Variants in MCM9 observed in about 807,000 individuals in gnomAD.
MCM9 encodes minichromosome maintenance 9 homologous recombination repair factor.
Under a neutral mutation model 72.8 loss-of-function variants are expected in MCM9, and 55 were observed. That is an observed-to-expected ratio of 0.76 (90% CI 0.61 to 0.95). MCM9 has a LOEUF of 0.95. Ranked by LOEUF, MCM9 falls within the 40% of genes least tolerant of loss-of-function variation. The pLI is 0.00. For missense variants in MCM9, 1,279 were observed against 1,377.0 expected (o/e 0.93, Z 1.13); for synonymous variants, 480 against 503.4 (o/e 0.95, Z 0.62).
chr6:118,910,774 T>C, intron 8 of MCM9: 1 of 985,432 alleles, frequency 1.0e-6, no homozygotes, highest in Non-Finnish European at 1.2e-6. Flanking sequence ...GTTAATATAC[T>C]GTTGAGTTAT....
Position 118,814,831 on chromosome 6 carries a change from T to C in MCM9, c.3425A>G (p.Lys1142Arg), listed in dbSNP as rs533851347. 6.3e-4 allele frequency: 945 copies of C among 1,495,256 alleles called. No homozygotes were observed. The highest frequency in any genetic ancestry group is 8.1e-4 in the Non-Finnish European group (907 of 1,121,130). The allele number at this position is 1,495,256 out of a possible 1,614,324, so 92.6% of individuals were successfully genotyped here. The change falls in exon 14 of 14, where the codon AAG becomes AGG. Residue 1142 changes from lysine to arginine, a missense_variant. Lys to Arg is a conservative substitution (Grantham distance 26). Transcript: ENST00000619706. ...DCDWDEEMRK[K>R]S ...CCAGAAAGCTTTTCCCAACTATGAC[T>C]TTTTTCTCATCTCTTCATCCCAGTC...
At chr6:118,934,209 T>C (rs146495379) in intron 1 of MCM9, among the ~76,000 whole-genome samples, 195 of 152,308 alleles carry the variant, frequency 1.3e-3, no homozygotes, top group African/African-American at 4.6e-3. Flanking sequence ...TCAACATCTA[T>C]GCAAAACTGA....
At chr6:118,816,315 T>A in intron 13 of MCM9, 21 bp from the exon 14 acceptor site, 11 of 1,484,024 alleles carry the variant, frequency 7.4e-6, no homozygotes, top group Non-Finnish European at 9.9e-6. Flanking sequence ...GACAAATAAA[T>A]AAAACATGTC....
chr6:118,857,883 A>C (rs1776664581), intron 8 of MCM9, among the ~76,000 whole-genome samples: 2 of 152,148 alleles, frequency 1.3e-5, no homozygotes, highest in Admixed American at 1.3e-4. Flanking sequence ...CCAACACAGA[A>C]ATCTGCAGGC....
rs572029934 is a variant in MCM9 at position 118,929,343 on chromosome 6, G to A, written c.304+2077C>T. On this transcript the variant is annotated intron_variant, in intron 3 of 13. Coordinates refer to ENST00000619706, the MANE Select transcript of MCM9 (RefSeq NM_017696.3). ...ATCTGTAGGCATGCATACACCATCT[G>A]GTAAATATTTGACTATATAGCTGTC... 2.0e-5 allele frequency among the ~76,000 whole-genome samples: 3 copies of A among 152,254 alleles called. No individual in the cohort carries two copies. In the East Asian group the frequency reaches 5.8e-4, roughly 29 times the overall value.
intron 13 of MCM9, among the ~76,000 whole-genome samples, chr6:118,816,877 G>GC (rs373664617): frequency 1.3e-5 from 2 of 152,256 alleles, no homozygotes; most frequent in African/African-American, 4.8e-5. Context: ...TGCTCACACT[G>GC]CCGCCTCCTG....
At chr6:118,916,229 A>G (rs1291431661) in intron 6 of MCM9, among the ~76,000 whole-genome samples, 1 of 151,648 alleles carries the variant, frequency 6.6e-6, no homozygotes, top group Non-Finnish European at 1.5e-5. Context: ...TTAATTTTAA[A>G]AATCATTTAA....
intron 8 of MCM9, 51 bp from the exon 9 acceptor site, chr6:118,856,596 T>C: frequency 1.3e-6 from 2 of 1,523,864 alleles, no homozygotes; most frequent in Middle Eastern, 1.7e-4. Flanking sequence ...AGCATTATCT[T>C]GACTGGGCGC....
intron 8 of MCM9, chr6:118,894,525 G>T: frequency 1.3e-6 from 2 of 1,536,254 alleles, no homozygotes; most frequent in Non-Finnish European, 1.7e-6. Flanking sequence ...GTCTGAAGGT[G>T]AGTGCGGCGC....
At chr6:118,872,100 G>A (rs984480063) in intron 8 of MCM9, among the ~76,000 whole-genome samples, 2 of 152,072 alleles carry the variant, frequency 1.3e-5, no homozygotes, top group Admixed American at 6.5e-5. Context: ...GGTGGATCAC[G>A]AGGTCAGGAG....
At chr6:118,835,394 A>G (rs1774886847) in intron 9 of MCM9, among the ~76,000 whole-genome samples, 1 of 152,142 alleles carries the variant, frequency 6.6e-6, no homozygotes, top group South Asian at 2.1e-4. Flanking sequence ...AAGAAAGTCA[A>G]TGGTAGCTTG....
At chr6:118,861,562 G>A (rs779532284) in intron 8 of MCM9, among the ~76,000 whole-genome samples, 1 of 152,208 alleles carries the variant, frequency 6.6e-6, no homozygotes, top group Non-Finnish European at 1.5e-5. Context: ...CCCGAAGTGG[G>A]TAGCTGCTTT....
chr6:118,876,192 T>C (rs1381644427), intron 8 of MCM9, among the ~76,000 whole-genome samples: 2 of 152,026 alleles, frequency 1.3e-5, no homozygotes, highest in Non-Finnish European at 2.9e-5. Context: ...GCTATGGAGA[T>C]ATTTAAAAGA....
chr6:118,864,245 T>C (rs1187192848), intron 8 of MCM9, among the ~76,000 whole-genome samples: 1 of 152,136 alleles, frequency 6.6e-6, no homozygotes, highest in Non-Finnish European at 1.5e-5. Context: ...AAGTCCATTA[T>C]ATCATTCTCA....
At chr6:118,929,125 CAGG>C (rs1011766008) in intron 3 of MCM9, among the ~76,000 whole-genome samples, 1 of 152,006 alleles carries the variant, frequency 6.6e-6, no homozygotes, top group African/African-American at 2.4e-5. Context: ...GAGGCTGAGG[CAGG>C]AGGATTGCTT....
At chr6:118,915,971 G>T (rs1484533790) in intron 6 of MCM9, among the ~76,000 whole-genome samples, 1 of 152,048 alleles carries the variant, frequency 6.6e-6, no homozygotes, top group African/African-American at 2.4e-5. Flanking sequence ...ATTGTTAAGA[G>T]GTAGAACTGA....
At chr6:118,893,940 T>TCCCCGCCGCAGCCACGCCA in intron 8 of MCM9, 7 of 891,056 alleles carry the variant, frequency 7.9e-6, no homozygotes, top group South Asian at 1.0e-4. Flanking sequence ...CAGCCACGCC[T>TCCCCGCCGCAGCCACGCCA]CCCCGCCGCG....
At chr6:118,882,579 T>C (rs1444084060) in intron 8 of MCM9, among the ~76,000 whole-genome samples, 1 of 152,136 alleles carries the variant, frequency 6.6e-6, no homozygotes, top group African/African-American at 2.4e-5. Flanking sequence ...CCCCAGGGCA[T>C]TGCCAAAAAG....
At chr6:118,866,296 TAG>T (rs1777213185) in intron 8 of MCM9, among the ~76,000 whole-genome samples, 1 of 151,918 alleles carries the variant, frequency 6.6e-6, no homozygotes, top group African/African-American at 2.4e-5. Context: ...GAAACCAAAA[TAG>T]AGAGTCATGG....
Sources: gnomAD v4.1 joint callset for allele counts (sites outside exome capture counted in the v4.1 genomes callset) on GRCh38, gnomAD v4.1.1 for gene constraint, MANE v1.5 for transcripts, NCBI Gene and HGNC (gene_info 2026-07-23, HGNC 2026-07-21) for gene names.